LRRIQ1: variants seen among roughly 807,000 people sequenced by gnomAD.
LRRIQ1 encodes the protein leucine-rich repeat- and IQ domain-containing protein 1.
Under a neutral mutation model 211.9 loss-of-function variants are expected in LRRIQ1, and 210 were observed. That is an observed-to-expected ratio of 0.99 (90% CI 0.89 to 1.11). LRRIQ1 has a LOEUF of 1.11. Among genes scored for constraint, LRRIQ1 ranks in the 50% most tolerant of loss-of-function variants. LRRIQ1 has a pLI of 0.00. For missense variants in LRRIQ1, 2,136 were observed against 1,939.5 expected (o/e 1.10, Z -1.90); for synonymous variants, 699 against 650.1 (o/e 1.08, Z -1.14).
intron 24 of LRRIQ1, among the ~76,000 whole-genome samples, chr12:85,199,802 C>T (rs770214485): frequency 3.9e-5 from 6 of 152,042 alleles, no homozygotes; most frequent in Non-Finnish European, 8.8e-5. Flanking sequence ...ATTTGATTAC[C>T]TCCACCTGGT....
At chr12:85,252,538 G>A (rs552837866) in intron 1 of LRRIQ1, among the ~76,000 whole-genome samples, 1 of 151,934 alleles carries the variant, frequency 6.6e-6, no homozygotes, top group African/African-American at 2.4e-5. Flanking sequence ...GGAGTAAGAT[G>A]CTAGCCAGCC....
chr12:85,099,830 A>G (rs75595028), intron 13 of LRRIQ1, among the ~76,000 whole-genome samples: 4,176 of 151,914 alleles, frequency 0.027, 188 homozygotes, highest in African/African-American at 0.095. Context: ...AACAGTGTTC[A>G]TCTTTTAAGC....
chr12:85,054,046 GCTAT>G (rs773829624), intron 7 of LRRIQ1, among the ~76,000 whole-genome samples: 11 of 152,114 alleles, frequency 7.2e-5, no homozygotes, highest in South Asian at 2.1e-4. Context: ...TTTTGCCTGT[GCTAT>G]CTATGATTGC....
At position 85,155,447 on chromosome 12, in the gene LRRIQ1, A is replaced by G. The variant is rs112800883; in HGVS notation, c.4720+1353A>G. Reference sequence around the variant, plus strand: ...GAGATTCTCTTTCAGTTCTCTAGATATAGAATCTAGTAGTGTAAATCTGGT... The same window carrying G: ...GAGATTCTCTTTCAGTTCTCTAGATGTAGAATCTAGTAGTGTAAATCTGGT... On this transcript the variant is annotated intron_variant, in intron 23 of 26. Transcript: ENST00000393217. Among the ~76,000 whole-genome samples the G allele has an allele frequency of 3.3e-5, 5 of 151,674 alleles. 1 individual carries two copies. The highest frequency in any genetic ancestry group is 1.2e-4 in the African/African-American group (5 of 41,500).
At chr12:85,078,063 C>G (rs1181152956) in intron 11 of LRRIQ1, among the ~76,000 whole-genome samples, 1 of 151,982 alleles carries the variant, frequency 6.6e-6, no homozygotes, top group African/African-American at 2.4e-5. Flanking sequence ...ACCCGCCCAC[C>G]CCTTCCATCC....
At chr12:85,133,078 T>C (rs1315093514) in intron 18 of LRRIQ1, among the ~76,000 whole-genome samples, 1 of 152,094 alleles carries the variant, frequency 6.6e-6, no homozygotes, top group Non-Finnish European at 1.5e-5. Context: ...AATAAAGTTG[T>C]CAGAAATAAA....
At chr12:85,062,359 A>G (rs1283080441) in intron 8 of LRRIQ1, among the ~76,000 whole-genome samples, 1 of 151,356 alleles carries the variant, frequency 6.6e-6, no homozygotes, top group Non-Finnish European at 1.5e-5. Context: ...TCCTTTCACC[A>G]CTTCGTGTTT....
intron 19 of LRRIQ1, among the ~76,000 whole-genome samples, chr12:85,149,490 G>T (rs950463454): frequency 6.6e-6 from 1 of 151,758 alleles, no homozygotes; most frequent in Non-Finnish European, 1.5e-5. Flanking sequence ...TGAGGTCTCT[G>T]TTCTGTTCCA....
At chr12:85,066,987 C>T in intron 10 of LRRIQ1, 89 bp downstream of exon 10, 1 of 600,366 alleles carries the variant, frequency 1.7e-6, no homozygotes, top group Non-Finnish European at 2.6e-6. Flanking sequence ...AGGCCACCAT[C>T]ACAAATCTGC....
rs562658527 is a variant in LRRIQ1, at chr12:85,239,109, G to A, written c.5017-5680G>A. Among the ~76,000 whole-genome samples, 3 of 152,044 alleles carry A rather than the reference G, an allele frequency of 2.0e-5. No individual in the cohort carries two copies. The East Asian group carries it at 5.8e-4, about 29-fold the overall frequency. On this transcript the variant is annotated intron_variant, in intron 26 of 26. Transcript: ENST00000393217. Reference sequence around the variant, plus strand: ...AAACACTGCTTTAAAAAATTTCAGAGACATACCATATTTATAAATAAGTTG... The same window carrying A: ...AAACACTGCTTTAAAAAATTTCAGAAACATACCATATTTATAAATAAGTTG...
intron 11 of LRRIQ1, among the ~76,000 whole-genome samples, chr12:85,083,180 G>A (rs1884474248): frequency 6.6e-6 from 1 of 152,078 alleles, no homozygotes; most frequent in South Asian, 2.1e-4. Flanking sequence ...GTTTCCTTAA[G>A]TTCTGAGGCT....
intron 18 of LRRIQ1, among the ~76,000 whole-genome samples, chr12:85,128,743 A>G (rs1303108071): frequency 6.6e-6 from 1 of 152,226 alleles, no homozygotes; most frequent in Non-Finnish European, 1.5e-5. Flanking sequence ...AAGTTTTTCA[A>G]ATACTTTCAT....
At chr12:85,120,839 T>C (rs754214787) in intron 15 of LRRIQ1, among the ~76,000 whole-genome samples, 65 of 152,220 alleles carry the variant, frequency 4.3e-4, no homozygotes, top group African/African-American at 1.3e-3. Flanking sequence ...CACTCTCTCC[T>C]TGAGAAGGGT....
At chr12:85,168,031 T>C (rs1418166751) in intron 24 of LRRIQ1, among the ~76,000 whole-genome samples, 2 of 152,232 alleles carry the variant, frequency 1.3e-5, no homozygotes, top group Non-Finnish European at 2.9e-5. Flanking sequence ...AAAATGAAGA[T>C]ATTTTCTTAG....
At chr12:85,075,647 C>A (rs926425269) in intron 11 of LRRIQ1, among the ~76,000 whole-genome samples, 3 of 152,032 alleles carry the variant, frequency 2.0e-5, no homozygotes, top group African/African-American at 7.2e-5. Flanking sequence ...CACCTCCCAG[C>A]AGGCCCCACC....
Position 85,072,955 on chromosome 12 carries a change from GCC to G in LRRIQ1, c.2745_2746del (p.Cys915Ter). On this transcript the variant is annotated stop_gained and frameshift_variant, in exon 11 of 27. Coordinates refer to ENST00000393217, the MANE Select transcript of LRRIQ1 (RefSeq NM_001079910.2). LOFTEE classifies it high-confidence loss of function. The stretch of plus-strand genomic sequence containing the variant: ...AAACTTGTTGACAATGCAGGGTTCT[GCC>G]ATCACTTGGGCACCTCCACTTCTTA... 6.2e-7 allele frequency: 1 copy of G among 1,612,292 alleles called. No individual in the cohort carries two copies. Among genetic ancestry groups the G allele is most frequent in the Non-Finnish European group, 8.5e-7 (1 of 1,179,048 alleles).
In LRRIQ1 at chr12:85,162,851, C is replaced by T. The variant is rs561857032; in HGVS notation, c.4822+2137C>T. The T allele has an allele frequency of 7.4e-4, 333 of 451,674 alleles. 1 individual carries two copies. Among genetic ancestry groups the T allele is most frequent in the Middle Eastern group, 3.9e-3 (12 of 3,054 alleles). The allele number at this position is 451,674 out of a possible 1,614,324, so 28.0% of individuals were successfully genotyped here. On this transcript the variant is annotated intron_variant, in intron 24 of 26. Transcript: ENST00000393217. ...TCACTGAATGAGTTTTATGTATTTA[C>T]CAGATTTTCTAATGTGCTATAGGTT... is the stretch of plus-strand genomic sequence containing the variant.
chr12:85,201,643 T>C (rs1323171281), intron 24 of LRRIQ1, among the ~76,000 whole-genome samples: 1 of 152,150 alleles, frequency 6.6e-6, no homozygotes, highest in Non-Finnish European at 1.5e-5. Flanking sequence ...GTCCCCTTCG[T>C]CATTACTGAT....
intron 15 of LRRIQ1, among the ~76,000 whole-genome samples, chr12:85,109,216 C>G (rs778727944): frequency 6.6e-6 from 1 of 152,174 alleles, no homozygotes; most frequent in Admixed American, 6.6e-5. Flanking sequence ...TGTCTTCCCA[C>G]TCTTGTCTGA....
Sources: gnomAD v4.1 joint callset for allele counts (sites outside exome capture counted in the v4.1 genomes callset) on GRCh38, gnomAD v4.1.1 for gene constraint, MANE v1.5 for transcripts, NCBI Gene and HGNC (gene_info 2026-07-23, HGNC 2026-07-21) for gene names.